Variants in SLFN11 observed in about 807,000 individuals in gnomAD.
SLFN11 encodes schlafen family member 11.
Under a neutral mutation model 53.4 loss-of-function variants are expected in SLFN11, and 43 were observed. The ratio of observed to expected loss-of-function variants is 0.80; its 90% CI spans 0.63 to 1.04. SLFN11 has a LOEUF of 1.04. SLFN11 is among the 50% of genes least tolerant of loss of function. The pLI, the probability that SLFN11 is intolerant of heterozygous loss-of-function variation, is 0.00. For synonymous variants in SLFN11, 389 were observed against 394.7 expected, an observed-to-expected ratio of 0.99 and a Z score of 0.17; for missense variants, 990 against 1,079.1, an observed-to-expected ratio of 0.92 and a Z score of 1.16.
chr17:35,365,727 A>G (rs979641439), intron 3 of SLFN11, among the ~76,000 whole-genome samples: 1 of 152,200 alleles, frequency 6.6e-6, no homozygotes, highest in Non-Finnish European at 1.5e-5. Context: ...AGTAAATCAT[A>G]TCTTCAAGTA....
chr17:35,355,997 C>G (rs1173921981), intron 5 of SLFN11, among the ~76,000 whole-genome samples: 2 of 152,108 alleles, frequency 1.3e-5, no homozygotes, highest in African/African-American at 4.8e-5. Context: ...TGTTCTCAAA[C>G]CATAAGAAAT....
intron 5 of SLFN11, 26 bp downstream of exon 5, chr17:35,360,217 G>A (rs1184373363): frequency 1.3e-6 from 2 of 1,599,030 alleles, no homozygotes; most frequent in African/African-American, 2.7e-5. Context: ...AAACTGGCTG[G>A]TGTTGAGAAG....
At chr17:35,367,225 T>A (rs1170514599) in intron 2 of SLFN11, 162 bp from the exon 3 acceptor site, 1 of 152,156 alleles carries the variant, frequency 6.6e-6, no homozygotes, top group African/African-American at 2.4e-5. Flanking sequence ...TTCCTTTCGA[T>A]GTACAGGGAT....
chr17:35,370,301 C>A (rs550114542), intron 1 of SLFN11, among the ~76,000 whole-genome samples: 2 of 152,082 alleles, frequency 1.3e-5, no homozygotes, highest in African/African-American at 2.4e-5. Flanking sequence ...GAAAACTCCT[C>A]AAAAAACTGG....
At chr17:35,361,504 C>T (rs561493383) in intron 4 of SLFN11, among the ~76,000 whole-genome samples, 25 of 152,140 alleles carry the variant, frequency 1.6e-4, no homozygotes, top group African/African-American at 5.8e-4. Context: ...CACTCTCACC[C>T]ATGCTGGGGT....
chr17:35,353,112 G>T lies in SLFN11; in HGVS notation c.1950C>A (p.Thr650=). The part of the protein sequence containing the change: ...ISDRNICRAE[T]RKTFLRENFE... ...AGTTTTCTCTTAGGAAAGTTTTCCG[G>T]GTCTCTGCTCGGCAGATATTTCTAT... is the stretch of plus-strand genomic sequence containing the variant. Residue 650 remains threonine, a synonymous_variant, in exon 7 of 7, where the codon ACC becomes ACA. Coordinates refer to ENST00000685675, the MANE Select transcript of SLFN11 (RefSeq NM_001376007.1). 3.1e-6 allele frequency: 5 copies of T among 1,613,912 alleles called. No individual in the cohort carries two copies. Among genetic ancestry groups the T allele is most frequent in the Non-Finnish European group, 3.4e-6 (4 of 1,179,940 alleles).
In SLFN11 at chr17:35,352,559, C is replaced by T. The variant is rs780813397; in HGVS notation, c.2503G>A (p.Val835Met). 1 of 1,614,078 alleles carries T rather than the reference C, an allele frequency of 6.2e-7. No homozygotes were observed. Among genetic ancestry groups the T allele is most frequent in the Non-Finnish European group, 8.5e-7 (1 of 1,180,050 alleles). ...TCACATGCATCACTGAGCTGCACCA[C>T]CCTTTTCTTCCTCATTGCTTTCAAG... is the stretch of plus-strand genomic sequence containing the variant. Reference protein sequence around the residue: ...ELLKAMRKKRVVQLSDACDML... With the variant: ...ELLKAMRKKRMVQLSDACDML... Residue 835 changes from valine (V) to methionine (M), a missense_variant, in exon 7 of 7, where the codon GTG becomes ATG. Val to Met is a conservative substitution (Grantham distance 21). Transcript: ENST00000685675.
At position 35,354,047 on chromosome 17, in the gene SLFN11, T is replaced by A; in HGVS notation, c.1211A>T (p.Tyr404Phe). ...QQLLFSVPPGYLRYTPESLWR... is the reference protein window; with the variant it reads ...QQLLFSVPPGFLRYTPESLWR... ...GAGTGACTCTGGAGTATATCGCAAA[T>A]ATCCTGGTGGGACTGTATGTGAAAA... The change falls in exon 6 of 7, where the codon TAT becomes TTT. Residue 404 changes from tyrosine to phenylalanine, a missense_variant. Transcript: ENST00000685675. 1 of 1,608,310 alleles carries A rather than the reference T, an allele frequency of 6.2e-7. No homozygotes were observed. The highest frequency in any genetic ancestry group is 8.5e-7 in the Non-Finnish European group (1 of 1,176,798).
In SLFN11 at chr17:35,363,738, C is replaced by G. The variant is rs1187467037; in HGVS notation, c.70G>C (p.Val24Leu). ...TTTCTGTTTTCTTCTCCAAGAGTCA[C>G]TTCTCCTACATTGATGACCAGGTCT... ...YPDLVINVGEVTLGEENRKKL... is the reference protein window; with the variant it reads ...YPDLVINVGELTLGEENRKKL... Residue 24 changes from valine (V) to leucine (L), a missense_variant, in exon 4 of 7, where the codon GTG (valine) becomes CTG (leucine). Physicochemically the swap from Val to Leu is conservative, Grantham distance 32 (BLOSUM62 1). Coordinates refer to ENST00000685675, the MANE Select transcript of SLFN11 (RefSeq NM_001376007.1). 6.2e-7 allele frequency: 1 copy of G among 1,613,292 alleles called. No individual in the cohort carries two copies. Among genetic ancestry groups the G allele is most frequent in the Non-Finnish European group, 8.5e-7 (1 of 1,179,616 alleles).
rs780720822 is a variant in SLFN11, at chr17:35,363,602, T to C, written c.206A>G (p.His69Arg). 1 of 1,613,762 alleles carries C rather than the reference T, an allele frequency of 6.2e-7. No homozygotes were observed. The highest frequency in any genetic ancestry group is 8.5e-7 in the Non-Finnish European group (1 of 1,179,928). The change falls in exon 4 of 7, where the codon CAT (histidine) becomes CGT (arginine). Residue 69 changes from histidine (H) to arginine (R), a missense_variant. Transcript: ENST00000685675. ...TAAATCCAGTCCCATCTCCACGGGA[T>C]GCTCAACCTTCTTGGCCATTCGAAT... is the stretch of plus-strand genomic sequence containing the variant. ...GVIRMAKKVE[H>R]PVEMGLDLEQ...
Position 35,352,526 on chromosome 17 carries a change from C to T in SLFN11, c.2536G>A (p.Gly846Ser), listed in dbSNP as rs756537370. The T allele has an allele frequency of 3.7e-6, 6 of 1,614,196 alleles. No individual in the cohort carries two copies. The highest frequency in any genetic ancestry group is 1.3e-5 in the African/African-American group (1 of 75,052). ...ACACTGTCCAACACAATGTGATCAC[C>T]CAACATATCACATGCATCACTGAGC... ...VQLSDACDML[G>S]DHIVLDSVRR... Residue 846 changes from glycine to serine, a missense_variant, in exon 7 of 7, where the codon GGT becomes AGT. Transcript: ENST00000685675.
At chr17:35,364,675 CT>C (rs1908727042) in intron 3 of SLFN11, among the ~76,000 whole-genome samples, 1 of 152,112 alleles carries the variant, frequency 6.6e-6, no homozygotes, top group African/African-American at 2.4e-5. Flanking sequence ...GATATTTAAT[CT>C]TTCTAACTCT....
Position 35,362,870 on chromosome 17 carries a change from C to G in SLFN11, c.938G>C (p.Cys313Ser), listed in dbSNP as rs775754773. 20 of 1,613,858 alleles carry G rather than the reference C, an allele frequency of 1.2e-5. No homozygotes were observed. Among genetic ancestry groups the G allele is most frequent in the East Asian group, 6.7e-5 (3 of 44,894 alleles). Residue 313 changes from cysteine to serine, a missense_variant, in exon 4 of 7, where the codon TGC (cysteine) becomes TCC (serine). By Grantham distance (112) the Cys-to-Ser change is moderately radical. Coordinates refer to ENST00000685675, the MANE Select transcript of SLFN11 (RefSeq NM_001376007.1). ...LKRGELYGYA[C>S]MIRVNPFCCA... Reference sequence around the variant, plus strand: ...GCAGAAGGGATTTACTCTGATCATGCAAGCATAGCCATAGAGCTCTCCCCT... The same window carrying G: ...GCAGAAGGGATTTACTCTGATCATGGAAGCATAGCCATAGAGCTCTCCCCT...
intron 1 of SLFN11, among the ~76,000 whole-genome samples, chr17:35,371,864 T>A (rs1909715159): frequency 6.6e-6 from 1 of 152,032 alleles, no homozygotes; most frequent in Non-Finnish European, 1.5e-5. Flanking sequence ...CCTCAAACAG[T>A]GTTGGTGGGA....
chr17:35,366,554 A>G (rs943328580), intron 3 of SLFN11, among the ~76,000 whole-genome samples: 1 of 152,184 alleles, frequency 6.6e-6, no homozygotes, highest in African/African-American at 2.4e-5. Flanking sequence ...CAGTAAATTC[A>G]TAAACTATTT....
Position 35,355,393 on chromosome 17 carries a change from C to T in SLFN11, c.1199-1334G>A, listed in dbSNP as rs111392195. 8.4e-3 allele frequency among the ~76,000 whole-genome samples: 1,274 copies of T among 152,036 alleles called. 8 individuals are homozygous for T. Among genetic ancestry groups the T allele is most frequent in the African/African-American group, 0.029 (1,209 of 41,502 alleles). ...CTATCCTGGGCGACAGAGCAAGATA[C>T]TGTCTCAAAAAATAAAAAATAAAAG... On this transcript the variant is annotated intron_variant, in intron 5 of 6. Coordinates refer to ENST00000685675, the MANE Select transcript of SLFN11 (RefSeq NM_001376007.1).
rs1445394399 is a variant in SLFN11, at chr17:35,352,363, C to T, written c.2699G>A (p.Gly900Asp). 4.6e-5 allele frequency: 74 copies of T among 1,613,440 alleles called. No individual in the cohort carries two copies. Among genetic ancestry groups the T allele is most frequent in the Non-Finnish European group, 6.2e-5 (73 of 1,179,410 alleles). ...KQHLYIFPWG[G>D]H Reference sequence around the variant, plus strand: ...TTTGATTTGGAGTTCTTCCTAATGGCCACCCCACGGAAAAATATACAGGTG... The same window carrying T: ...TTTGATTTGGAGTTCTTCCTAATGGTCACCCCACGGAAAAATATACAGGTG... Residue 900 changes from glycine to aspartate, a missense_variant, in exon 7 of 7, where the codon GGC becomes GAC. By Grantham distance (94) the Gly-to-Asp change is moderately conservative (BLOSUM62 -1). Coordinates refer to ENST00000685675, the MANE Select transcript of SLFN11 (RefSeq NM_001376007.1).
At chr17:35,369,932 C>T (rs1378202395) in intron 1 of SLFN11, among the ~76,000 whole-genome samples, 1 of 151,998 alleles carries the variant, frequency 6.6e-6, no homozygotes. Flanking sequence ...TTCTACCAAA[C>T]AGTTAAAGAA....
At chr17:35,365,912 C>CA (rs5820114) in intron 3 of SLFN11, among the ~76,000 whole-genome samples, 149,471 of 152,218 alleles carry the variant, frequency 0.98, 73,412 homozygotes, top group East Asian at 1. Flanking sequence ...ACAGAGGTTA[C>CA]AATAAGGATG....
Sources: allele counts gnomAD v4.1 joint callset (sites outside exome capture counted in the v4.1 genomes callset), GRCh38; gene constraint gnomAD v4.1.1; transcripts MANE v1.5; gene names NCBI Gene and HGNC (gene_info 2026-07-23, HGNC 2026-07-21).